The following CTNNA2 variants were observed in gnomAD, a reference collection of about 807,000 sequenced individuals.
The protein encoded by CTNNA2 is catenin alpha 2, also known as catenin alpha-2.
CTNNA2 carries 42 observed loss-of-function variants against 101.0 expected under a neutral mutation model. The ratio of observed to expected loss-of-function variants is 0.42; its 90% CI spans 0.32 to 0.54. CTNNA2 has a LOEUF of 0.54. Ranked by LOEUF, CTNNA2 falls within the 20% of genes least tolerant of loss-of-function variation. The pLI is 0.14. For missense variants in CTNNA2, 871 were observed against 1,223.1 expected (o/e 0.71, Z 4.29); for synonymous variants, 450 against 456.4 (o/e 0.99, Z 0.18).
chr2:80,254,274 A>G lies in CTNNA2; in HGVS notation c.1057-138937A>G, dbSNP rs1671975868. Among the ~76,000 whole-genome samples the G allele has an allele frequency of 2.0e-5, 3 of 152,254 alleles. No homozygotes were observed. The South Asian group carries it at 6.2e-4, about 32-fold the overall frequency. ...ATTATGTGCATTCTTTATTCATTTT[A>G]TAAGCCCCTATAACACCTACCACAT... On this transcript the variant is annotated intron_variant, in intron 7 of 18. Coordinates refer to ENST00000402739, the MANE Select transcript of CTNNA2 (RefSeq NM_001282597.3).
At chr2:80,113,197 G>A (rs77171029) in intron 7 of CTNNA2, among the ~76,000 whole-genome samples, 5 of 152,122 alleles carry the variant, frequency 3.3e-5, no homozygotes, top group Non-Finnish European at 7.3e-5. Flanking sequence ...GGAGATGTAG[G>A]CTTTTGGGTT....
intron 4 of CTNNA2, among the ~76,000 whole-genome samples, chr2:79,504,413 C>T (rs1027632544): frequency 2.6e-5 from 4 of 152,070 alleles, no homozygotes; most frequent in African/African-American, 9.7e-5. Context: ...CCTTAGCTTC[C>T]CAAGTAGCTG....
intron 4 of CTNNA2, among the ~76,000 whole-genome samples, chr2:79,443,235 C>T (rs1399510059): frequency 6.6e-6 from 1 of 152,026 alleles, no homozygotes; most frequent in East Asian, 1.9e-4. Context: ...CCTAAGGAAC[C>T]TGTTGGTGCT....
At chr2:80,259,482 G>A (rs1558948205) in intron 7 of CTNNA2, among the ~76,000 whole-genome samples, 1 of 152,188 alleles carries the variant, frequency 6.6e-6, no homozygotes, top group Non-Finnish European at 1.5e-5. Flanking sequence ...CCAGTAGTGA[G>A]CTGTCATATA....
intron 7 of CTNNA2, among the ~76,000 whole-genome samples, chr2:80,364,959 C>G (rs17019090): frequency 6.6e-6 from 1 of 152,118 alleles, no homozygotes; most frequent in East Asian, 1.9e-4. Flanking sequence ...GCGATAGTAA[C>G]AGCTCGATTT....
chr2:80,597,852 T>G (rs1327469087), intron 15 of CTNNA2, among the ~76,000 whole-genome samples: 1 of 152,178 alleles, frequency 6.6e-6, no homozygotes, highest in Admixed American at 6.5e-5. Flanking sequence ...GAAATAGGAA[T>G]GTTTTTACAC....
At chr2:80,283,039 G>T (rs926319512) in intron 7 of CTNNA2, among the ~76,000 whole-genome samples, 3 of 152,058 alleles carry the variant, frequency 2.0e-5, no homozygotes, top group Non-Finnish European at 4.4e-5. Context: ...TTAAATTAAA[G>T]AAGGCAGAAT....
chr2:80,099,205 T>G (rs1270787219), intron 7 of CTNNA2, among the ~76,000 whole-genome samples: 1 of 152,072 alleles, frequency 6.6e-6, no homozygotes, highest in Non-Finnish European at 1.5e-5. Flanking sequence ...TCATTAAGAA[T>G]AAGTCCTGAC....
intron 3 of CTNNA2, 91 bp downstream of exon 3, chr2:79,744,673 G>T (rs1671515102): frequency 1.6e-6 from 2 of 1,256,278 alleles, no homozygotes; most frequent in Admixed American, 2.9e-5. Flanking sequence ...TTTACTCAAA[G>T]AAGAAGTCTT....
intron 2 of CTNNA2, among the ~76,000 whole-genome samples, chr2:79,261,321 G>A (rs1018118561): frequency 1.3e-5 from 2 of 152,152 alleles, no homozygotes; most frequent in African/African-American, 4.8e-5. Flanking sequence ...AAAAATATGA[G>A]ATTATCAACA....
At chr2:79,331,133 A>C (rs1037414744) in intron 3 of CTNNA2, among the ~76,000 whole-genome samples, 3 of 151,862 alleles carry the variant, frequency 2.0e-5, no homozygotes, top group Non-Finnish European at 4.4e-5. Flanking sequence ...CCACAATTTC[A>C]CCATTCTGCC....
intron 4 of CTNNA2, among the ~76,000 whole-genome samples, chr2:79,481,225 C>A (rs573520829): frequency 1.3e-5 from 2 of 152,232 alleles, no homozygotes; most frequent in South Asian, 4.2e-4. Context: ...CAAAATCATT[C>A]TGAGGAAGGT....
At chr2:79,884,175 C>A (rs1278464032) in intron 6 of CTNNA2, among the ~76,000 whole-genome samples, 2 of 152,158 alleles carry the variant, frequency 1.3e-5, no homozygotes, top group African/African-American at 4.8e-5. Context: ...GATTTGCTTT[C>A]TTTCTCCCAA....
intron 1 of CTNNA2, among the ~76,000 whole-genome samples, chr2:79,610,528 G>T (rs1678200591): frequency 1.3e-5 from 2 of 152,152 alleles, no homozygotes; most frequent in African/African-American, 4.8e-5. Context: ...GCAATGAAAA[G>T]AATGAATTAC....
chr2:79,504,366 T>C (rs1254155657), intron 4 of CTNNA2, among the ~76,000 whole-genome samples: 5 of 152,146 alleles, frequency 3.3e-5, no homozygotes, highest in African/African-American at 9.7e-5. Context: ...CTCAGCTCAC[T>C]GCAACCTCCG....
At chr2:79,331,259 G>A (rs1676865540) in intron 3 of CTNNA2, among the ~76,000 whole-genome samples, 1 of 152,078 alleles carries the variant, frequency 6.6e-6, no homozygotes, top group Non-Finnish European at 1.5e-5. Context: ...AGAAGTGCCT[G>A]AGAAAACAAA....
chr2:80,124,154 C>T (rs1247896063), intron 7 of CTNNA2, among the ~76,000 whole-genome samples: 1 of 152,132 alleles, frequency 6.6e-6, no homozygotes. Context: ...CAGCAGGAAA[C>T]GTCACTGAGC....
At position 80,647,626 on chromosome 2, in the gene CTNNA2, G is replaced by A. The variant is rs1175866483; in HGVS notation, c.2616G>A (p.Leu872=). ...CGCTTATCCAGGCAGCTAAAAACCT[G>A]ATGAATGCTGTTGTCCTCACGGTGA... is the stretch of plus-strand genomic sequence containing the variant. ...ATSLIQAAKN[L]MNAVVLTVKA... The change falls in exon 19 of 19, where the codon CTG becomes CTA. Residue 872 remains leucine (L), a synonymous_variant. Coordinates refer to ENST00000402739, the MANE Select transcript of CTNNA2 (RefSeq NM_001282597.3). The A allele has an allele frequency of 1.2e-6, 2 of 1,613,170 alleles. No homozygotes were observed. The highest frequency in any genetic ancestry group is 1.7e-5 in the Admixed American group (1 of 59,962).
chr2:80,125,833 G>A (rs932499609), intron 7 of CTNNA2, among the ~76,000 whole-genome samples: 10 of 152,124 alleles, frequency 6.6e-5, no homozygotes, highest in Admixed American at 2.6e-4. Context: ...TTTTGTGTAA[G>A]GCAAAATGAT....
Sources: gnomAD v4.1 joint callset for allele counts (sites outside exome capture counted in the v4.1 genomes callset) on GRCh38, gnomAD v4.1.1 for gene constraint, MANE v1.5 for transcripts, NCBI Gene and HGNC (gene_info 2026-07-23, HGNC 2026-07-21) for gene names.